The following EVC variants were observed in gnomAD, a reference collection of about 807,000 sequenced individuals.
EVC encodes EvC ciliary complex subunit 1.
In EVC, 116 loss-of-function variants were observed where a neutral mutation model predicts 118.9. That is an observed-to-expected ratio of 0.98 (90% CI 0.84 to 1.14). The LOEUF is 1.14. EVC is among the 50% of genes most tolerant of loss of function. The pLI is 0.00. For synonymous variants in EVC, 619 were observed against 534.7 expected, an observed-to-expected ratio of 1.16 and a Z score of -2.18; for missense variants, 1,401 against 1,246.4, an observed-to-expected ratio of 1.12 and a Z score of -1.87.
At chr4:5,794,307 T>TATATATTTATATATATTTATATATATTTA (rs1197571097) in intron 13 of EVC, among the ~76,000 whole-genome samples, 1 of 119,250 alleles carries the variant, frequency 8.4e-6, no homozygotes, top group Non-Finnish European at 1.7e-5. Context: ...ATTTATATTT[T>TATATATTTATATATATTTATATATATTTA]TATATATTTA....
chr4:5,757,533 C>T (rs145614578), intron 11 of EVC, among the ~76,000 whole-genome samples: 2,614 of 152,318 alleles, frequency 0.017, 71 homozygotes, highest in African/African-American at 0.058. Flanking sequence ...GGCTGAAGCC[C>T]GAGATCACGG....
chr4:5,767,538 T>C (rs1413971838), intron 11 of EVC, among the ~76,000 whole-genome samples: 2 of 151,214 alleles, frequency 1.3e-5, no homozygotes, highest in African/African-American at 4.9e-5. Flanking sequence ...ACTGCTGTGC[T>C]AGCAATCAGC....
At chr4:5,809,657 A>G in intron 19 of EVC, 46 bp downstream of exon 19, 1 of 1,538,308 alleles carries the variant, frequency 6.5e-7, no homozygotes. Flanking sequence ...CTCTGGGCTG[A>G]GAGATACGGA....
rs1240529170 is a variant in EVC, at chr4:5,765,732, C to G, written c.1563+9370C>G. ...CAGAGACTAGGATTGCAACCCCTGC[C>G]TTTTTTTGTTTTCCATTTGCTTGGT... is the stretch of plus-strand genomic sequence containing the variant. On this transcript the variant is annotated intron_variant, in intron 11 of 20. Transcript: ENST00000264956. 2.1e-5 allele frequency among the ~76,000 whole-genome samples: 3 copies of G among 143,996 alleles called. No individual in the cohort carries two copies. In the East Asian group the frequency reaches 6.4e-4, roughly 30 times the overall value. The allele number at this position is 143,996 out of a possible 152,430, so 94.5% of individuals were successfully genotyped here.
At chr4:5,753,265 A>T (rs1486182980) in intron 9 of EVC, among the ~76,000 whole-genome samples, 1 of 152,212 alleles carries the variant, frequency 6.6e-6, no homozygotes, top group Non-Finnish European at 1.5e-5. Flanking sequence ...GCCACTGCCC[A>T]GGGCAGGGGT....
intron 20 of EVC, 88 bp downstream of exon 20, chr4:5,810,538 C>T: frequency 1.1e-6 from 1 of 941,680 alleles, no homozygotes; most frequent in Admixed American, 2.0e-5. Flanking sequence ...GCAGGAAAAT[C>T]ATCAGTCCCC....
chr4:5,745,257 G>A lies in EVC; in HGVS notation c.855G>A (p.Met285Ile), dbSNP rs1729186735. ...GLQVKLSNTE[M>I]SGAGDSEYIT... is the part of the protein sequence containing the mutation. The stretch of plus-strand genomic sequence containing the variant: ...AGGTCAAACTGTCAAACACAGAAAT[G>A]TCGGGGGCTGGTGACTCTGAGTACA... Residue 285 changes from methionine (M) to isoleucine (I), a missense_variant, in exon 7 of 21, where the codon ATG becomes ATA. By Grantham distance (10) the Met-to-Ile change is conservative. Transcript: ENST00000264956. 6.2e-7 allele frequency: 1 copy of A among 1,614,074 alleles called. No individual in the cohort carries two copies.
rs577370607 is a variant in EVC at position 5,766,879 on chromosome 4, C to T, written c.1563+10517C>T. Among the ~76,000 whole-genome samples, 277 of 151,914 alleles carry T rather than the reference C, an allele frequency of 1.8e-3. 3 individuals are homozygous for T. The highest frequency in any genetic ancestry group is 6.4e-3 in the African/African-American group (264 of 41,356). The stretch of plus-strand genomic sequence containing the variant: ...CTCCTGTAGCTCAGAGTAATTTGAT[C>T]GTCTGAAGCCTTCTCTCAGCTTGTC... On this transcript the variant is annotated intron_variant, in intron 11 of 20. Transcript: ENST00000264956.
the EVC span, chr4:5,821,870 C>CGCT: frequency 1.2e-5 from 19 of 1,538,010 alleles, no homozygotes; most frequent in Admixed American, 1.8e-5. This position sits in a 1 kb window ranked among gnomAD's most constrained non-coding sequence, Gnocchi z 4.4. Flanking sequence ...GAGCGCCAAT[C>CGCT]GCTGCTGGAT....
intron 11 of EVC, among the ~76,000 whole-genome samples, chr4:5,757,523 G>A (rs747029224): frequency 4.2e-4 from 64 of 152,348 alleles, no homozygotes; most frequent in Non-Finnish European, 9.0e-4. Context: ...AGGTTCTGGA[G>A]GCTGAAGCCC....
chr4:5,752,160 C>T (rs1730472286), intron 8 of EVC, among the ~76,000 whole-genome samples: 2 of 151,992 alleles, frequency 1.3e-5, no homozygotes, highest in Non-Finnish European at 2.9e-5. Context: ...GAGTCTGTGC[C>T]GAGGGAGATG....
At position 5,801,990 on chromosome 4, in the gene EVC, C is replaced by G. The variant is rs374146790; in HGVS notation, c.2345C>G (p.Thr782Ser). 1.9e-6 allele frequency: 3 copies of G among 1,613,984 alleles called. No individual in the cohort carries two copies. Among genetic ancestry groups the G allele is most frequent in the African/African-American group, 2.7e-5 (2 of 74,930 alleles). ...GCGGCAGTGGAGAGCGTCTACGTGA[C>G]CAGCGCTGGTGTCAGCCGCCTGGTG... The part of the protein sequence containing the change: ...MEAAVESVYV[T>S]SAGVSRLVQA... The change falls in exon 16 of 21, where the codon ACC becomes AGC. Residue 782 changes from threonine (T) to serine (S), a missense_variant. Physicochemically the swap from Thr to Ser is moderately conservative, Grantham distance 58. Transcript: ENST00000264956.
intron 15 of EVC, 175 bp from the exon 16 acceptor site, chr4:5,801,775 T>A: frequency 1.5e-6 from 1 of 668,204 alleles, no homozygotes; most frequent in Admixed American, 2.2e-5. Flanking sequence ...GAAGATAGGA[T>A]TCCCATGACT....
Position 5,745,215 on chromosome 4 carries a change from A to G in EVC, c.813A>G (p.Glu271=), listed in dbSNP as rs1482492780. The change falls in exon 7 of 21, where the codon GAA becomes GAG. Residue 271 remains glutamate (E), a synonymous_variant. Transcript: ENST00000264956. The part of the protein sequence containing the change: ...ILSKQEKDLE[E]LEKGLQVKLS... The stretch of plus-strand genomic sequence containing the variant: ...TTCTTCTTCTTCAGGATTTGGAGGA[A>G]CTAGAAAAGGGACTTCAGGTCAAAC... The G allele has an allele frequency of 2.5e-6, 4 of 1,613,986 alleles. No individual in the cohort carries two copies. The highest frequency in any genetic ancestry group is 4.5e-5 in the East Asian group (2 of 44,882).
At chr4:5,781,827 C>T (rs535854168) in intron 11 of EVC, among the ~76,000 whole-genome samples, 50 of 152,172 alleles carry the variant, frequency 3.3e-4, no homozygotes, top group Admixed American at 1.3e-3. Context: ...GAGATCCTGT[C>T]TCAAAACAAA....
At chr4:5,804,445 T>C (rs547330481) in intron 16 of EVC, among the ~76,000 whole-genome samples, 3 of 152,284 alleles carry the variant, frequency 2.0e-5, no homozygotes, top group South Asian at 4.1e-4. Context: ...TGTGGTGCCT[T>C]CTCAGTGTTG....
rs200101865 is a variant in EVC, at chr4:5,731,622, G to A, written c.582G>A (p.Arg194=). The change falls in exon 4 of 21, where the codon CGG becomes CGA. Residue 194 remains arginine (R), a synonymous_variant. Coordinates refer to ENST00000264956, the MANE Select transcript of EVC (RefSeq NM_153717.3). This position sits in a 1 kb window ranked among gnomAD's most constrained non-coding sequence, Gnocchi z 5.6. ...GGTTTCTCAGCCGCACCTTCCTCCG[G>A]GTGAACGCCTTCCCTGAAGTGCTGG... is the stretch of plus-strand genomic sequence containing the variant. ...DDRFLSRTFL[R]VNAFPEVLAC... 46 of 1,614,006 alleles carry A rather than the reference G, an allele frequency of 2.9e-5. No individual in the cohort carries two copies. The highest frequency in any genetic ancestry group is 3.6e-5 in the Non-Finnish European group (43 of 1,180,030).
chr4:5,783,246 G>A (rs998283640), intron 11 of EVC, among the ~76,000 whole-genome samples: 1 of 152,124 alleles, frequency 6.6e-6, no homozygotes, highest in Admixed American at 6.6e-5. Flanking sequence ...TCCTGTGTGT[G>A]TGCATGTGTG....
the EVC span, among the ~76,000 whole-genome samples, chr4:5,824,040 CTG>C: frequency 6.6e-6 from 1 of 152,192 alleles, no homozygotes; most frequent in African/African-American, 2.4e-5. Flanking sequence ...AAGAGTGAAA[CTG>C]AGAGAACAAG....
Sources: gnomAD v4.1 joint callset for allele counts (sites outside exome capture counted in the v4.1 genomes callset) on GRCh38, gnomAD v4.1.1 for gene constraint, Gnocchi (gnomAD v3.1) non-coding constraint, MANE v1.5 for transcripts, NCBI Gene and HGNC (gene_info 2026-07-23, HGNC 2026-07-21) for gene names.